TENM2: variants seen among roughly 807,000 people sequenced by gnomAD.
TENM2 encodes teneurin-2.
In TENM2, 52 loss-of-function variants were observed where a neutral mutation model predicts 245.2. That is an observed-to-expected ratio of 0.21 (90% confidence interval 0.17 to 0.27). TENM2 has a LOEUF of 0.27. TENM2 is among the 10% of genes least tolerant of loss of function. The pLI, the probability that TENM2 is intolerant of heterozygous loss-of-function variation, is 1.00. For missense variants in TENM2, 3,046 were observed against 3,666.8 expected (o/e 0.83, Z 4.37); for synonymous variants, 1,363 against 1,438.9 (o/e 0.95, Z 1.19).
chr5:168,090,577 G>T, exon 8 of TENM2: 1 of 1,612,286 alleles, frequency 6.2e-7, no homozygotes, highest in South Asian at 1.1e-5. Context: ...TTCCCAGTAT[G>T]ACTTCATGGA....
At chr5:167,682,109 C>T (rs1186124941) in intron 2 of TENM2, among the ~76,000 whole-genome samples, 1 of 128,532 alleles carries the variant, frequency 7.8e-6, no homozygotes, top group African/African-American at 3.3e-5. Context: ...TCCCTCCCTC[C>T]CTCCCTCCCT....
chr5:167,316,020 A>G (rs903934240), intron 1 of TENM2, among the ~76,000 whole-genome samples: 3 of 152,102 alleles, frequency 2.0e-5, no homozygotes, highest in Non-Finnish European at 4.4e-5. Flanking sequence ...TCTCTGCTCA[A>G]ACATTATCTC....
At chr5:167,163,369 G>A in the TENM2 span, among the ~76,000 whole-genome samples, 1 of 152,164 alleles carries the variant, frequency 6.6e-6, no homozygotes, top group African/African-American at 2.4e-5. Context: ...GGGATTACAG[G>A]CGTGAGAGCG....
chr5:168,096,730 A>G (rs1793400094), intron 8 of TENM2, among the ~76,000 whole-genome samples: 1 of 152,224 alleles, frequency 6.6e-6, no homozygotes, highest in African/African-American at 2.4e-5. Context: ...CCATGTCACC[A>G]GGTCAAAGTC....
chr5:168,262,797 T>C lies in TENM2; in HGVS notation c.8312T>C (p.Met2771Thr), dbSNP rs776485650. Residue 2771 changes from methionine (M) to threonine (T), a missense_variant, in exon 29 of 29, where the codon ATG (methionine) becomes ACG (threonine). By Grantham distance (81) the Met-to-Thr change is moderately conservative. Around this residue, in one of 2 missense-constraint regions of TENM2, gnomAD observed 2,704 missense variants for 3,331.9 expected, o/e 0.81. Coordinates refer to ENST00000518659, the Ensembl canonical transcript of TENM2. ...ATCCAGTTTTTAAGACAGAATGAGA[T>C]GGGAAAGAGGTAACAAAATAATCTG... 3.6e-5 allele frequency: 57 copies of C among 1,601,906 alleles called. No individual in the cohort carries two copies. The highest frequency in any genetic ancestry group is 4.9e-5 in the Non-Finnish European group (57 of 1,172,980).
chr5:167,444,785 G>A (rs1765066562), intron 2 of TENM2, among the ~76,000 whole-genome samples: 1 of 152,116 alleles, frequency 6.6e-6, no homozygotes, highest in Admixed American at 6.6e-5. Flanking sequence ...GTAAACTTTT[G>A]CAATAAATGA....
chr5:167,977,558 G>A (rs1315583527), intron 4 of TENM2, among the ~76,000 whole-genome samples: 1 of 152,162 alleles, frequency 6.6e-6, no homozygotes, highest in East Asian at 1.9e-4. Context: ...CTGACTTGGG[G>A]ATGTTAAGAC....
chr5:167,955,073 C>T (rs544710320), intron 4 of TENM2, among the ~76,000 whole-genome samples: 2 of 152,276 alleles, frequency 1.3e-5, no homozygotes, highest in East Asian at 3.9e-4. Context: ...AATCAATTTA[C>T]ACTCCCACCA....
the TENM2 span, among the ~76,000 whole-genome samples, chr5:167,008,501 C>A: frequency 6.6e-6 from 1 of 152,250 alleles, no homozygotes; most frequent in Non-Finnish European, 1.5e-5. Flanking sequence ...ATTACAACTT[C>A]CATTTACCAA....
the TENM2 span, among the ~76,000 whole-genome samples, chr5:167,101,412 T>A: frequency 1.3e-5 from 2 of 152,136 alleles, no homozygotes; most frequent in Non-Finnish European, 2.9e-5. Context: ...AAATTATGGA[T>A]GGTGCACAAT....
chr5:167,354,273 C>A (rs951390580), intron 1 of TENM2, among the ~76,000 whole-genome samples: 1 of 152,190 alleles, frequency 6.6e-6, no homozygotes, highest in African/African-American at 2.4e-5. Context: ...TAAATTAGAT[C>A]TCTTGCTTTT....
At chr5:167,101,854 TA>T in the TENM2 span, among the ~76,000 whole-genome samples, 1 of 123,590 alleles carries the variant, frequency 8.1e-6, no homozygotes, top group East Asian at 2.4e-4. Context: ...TATATTTATA[TA>T]TATATATATA....
chr5:167,044,326 T>C, the TENM2 span, among the ~76,000 whole-genome samples: 56,295 of 152,006 alleles, frequency 0.37, 11,662 homozygotes, highest in Non-Finnish European at 0.49. Context: ...TCTTGACTTA[T>C]ATGAATGGTG....
chr5:167,754,912 G>C (rs777813550), intron 2 of TENM2: 4 of 1,102,708 alleles, frequency 3.6e-6, no homozygotes, highest in Non-Finnish European at 3.8e-6. Flanking sequence ...AAAGGGAGGA[G>C]GGAGAGAGCA....
intron 1 of TENM2, among the ~76,000 whole-genome samples, chr5:167,320,452 T>G (rs904562545): frequency 3.9e-5 from 6 of 152,218 alleles, no homozygotes; most frequent in Admixed American, 6.5e-5. Flanking sequence ...TGCCTTCTTT[T>G]CTTTTGATAG....
At chr5:167,417,853 T>C (rs141039947) in intron 2 of TENM2, among the ~76,000 whole-genome samples, 138 of 152,322 alleles carry the variant, frequency 9.1e-4, no homozygotes, top group African/African-American at 3.2e-3. Flanking sequence ...TGGATTTGCA[T>C]TCAATATTCA....
the TENM2 span, among the ~76,000 whole-genome samples, chr5:167,131,568 C>T: frequency 6.6e-6 from 1 of 152,098 alleles, no homozygotes; most frequent in East Asian, 1.9e-4. Flanking sequence ...AGGGGAACCC[C>T]TTTCTAGTTA....
chr5:167,759,715 T>G (rs1266990796), intron 2 of TENM2, among the ~76,000 whole-genome samples: 3 of 152,166 alleles, frequency 2.0e-5, no homozygotes, highest in Admixed American at 2.0e-4. Flanking sequence ...GTGTCCAGTT[T>G]CTGGCTGGTT....
chr5:168,118,759 TTGC>T (rs1795268274), intron 10 of TENM2, among the ~76,000 whole-genome samples: 1 of 152,210 alleles, frequency 6.6e-6, no homozygotes, highest in Non-Finnish European at 1.5e-5. Flanking sequence ...TCTCTTTAAA[TTGC>T]TCTCTCTGCC....
Sources: gnomAD v4.1 joint callset for allele counts (sites outside exome capture counted in the v4.1 genomes callset) on GRCh38, gnomAD v4.1.1 for gene constraint, gnomAD v4.1.1 regional missense constraint, MANE v1.5 for transcripts, NCBI Gene and HGNC (gene_info 2026-07-23, HGNC 2026-07-21) for gene names.